The following OTOS variants were observed in gnomAD, a reference collection of about 807,000 sequenced individuals.
OTOS encodes otospiralin.
OTOS carries 14 observed loss-of-function variants against 12.5 expected under a neutral mutation model. The ratio of observed to expected loss-of-function variants is 1.12; its 90% confidence interval spans 0.74 to 1.76. OTOS has a LOEUF of 1.76. OTOS is among the 40% of genes most tolerant of loss of function. The probability of loss-of-function intolerance (pLI) is 0.00; values close to 1 mark genes in which losing one functional copy is unlikely to be tolerated. For missense variants in OTOS, 141 were observed against 112.8 expected (o/e 1.25, Z -1.13); for synonymous variants, 49 against 47.6 (o/e 1.03, Z -0.12).
In OTOS at chr2:240,140,252, C is replaced by T; in HGVS notation, c.58+17G>A. On this transcript the variant is annotated intron_variant, in intron 2 of 3. Coordinates refer to ENST00000319460, the MANE Select transcript of OTOS (RefSeq NM_148961.4). ...CGGGGGTCCTGGTGGCTGCCTCCCT[C>T]CAGAGCGGCCCCTCACCTGCAAGAG... is the stretch of plus-strand genomic sequence containing the variant. 1 of 1,587,190 alleles carries T rather than the reference C, an allele frequency of 6.3e-7. No individual in the cohort carries two copies. The highest frequency in any genetic ancestry group is 1.1e-5 in the South Asian group (1 of 87,776).
At position 240,139,080 on chromosome 2, in the gene OTOS, A is replaced by C; in HGVS notation, c.*90T>G. Reference sequence around the variant, plus strand: ...GCGTGAGACCAGGCCTGACTCCTGCAGGGGCCAGGTTTTTGCGGGGACTCC... The same window carrying C: ...GCGTGAGACCAGGCCTGACTCCTGCCGGGGCCAGGTTTTTGCGGGGACTCC... On this transcript the variant is annotated 3_prime_UTR_variant, in exon 4 of 4. Transcript: ENST00000319460. 1 of 1,401,132 alleles carries C rather than the reference A, an allele frequency of 7.1e-7. No homozygotes were observed. Among genetic ancestry groups the C allele is most frequent in the Non-Finnish European group, 9.8e-7 (1 of 1,024,944 alleles). The allele number at this position is 1,401,132 out of a possible 1,614,324, so 86.8% of individuals were successfully genotyped here. A position where few individuals can be genotyped will look rare whatever the true frequency, so the allele number is the denominator to read the frequency against.
chr2:240,139,388 TC>T, intron 3 of OTOS, 34 bp from the exon 4 acceptor site: 1 of 1,583,458 alleles, frequency 6.3e-7, no homozygotes, highest in Non-Finnish European at 8.6e-7. Flanking sequence ...TTGGGGGCTG[TC>T]CCCATGGTCC....
At chr2:240,140,466 T>TA (rs966525726) in intron 1 of OTOS, 22 bp from the exon 2 acceptor site, 694 of 764,442 alleles carry the variant, frequency 9.1e-4, no homozygotes, top group South Asian at 1.5e-3. Flanking sequence ...GGCATGGATT[T>TA]AAAAAAAAAA....
In OTOS at chr2:240,139,153, A is replaced by G; in HGVS notation, c.*17T>C. The stretch of plus-strand genomic sequence containing the variant: ...GTGCAGCCTGGCGGGGTGGGCGGGC[A>G]CCAGGCTGGACACCATTCAGTCCTC... On this transcript the variant is annotated 3_prime_UTR_variant, in exon 4 of 4. Transcript: ENST00000319460. 6.2e-7 allele frequency: 1 copy of G among 1,606,212 alleles called. No homozygotes were observed. The highest frequency in any genetic ancestry group is 8.5e-7 in the Non-Finnish European group (1 of 1,174,702).
intron 3 of OTOS, 142 bp downstream of exon 3, chr2:240,139,920 T>A: frequency 1.0e-6 from 1 of 958,512 alleles, no homozygotes; most frequent in Non-Finnish European, 1.6e-6. Context: ...AAGGGCCATG[T>A]TTTCCATGCT....
intron 3 of OTOS, among the ~76,000 whole-genome samples, chr2:240,139,673 C>T (rs1224650535): frequency 6.6e-6 from 1 of 152,156 alleles, no homozygotes; most frequent in South Asian, 2.1e-4. Context: ...CACTCCGCTA[C>T]CCCCCGTATA....
Position 240,139,064 on chromosome 2 carries a change from C to A in OTOS, c.*106G>T. On this transcript the variant is annotated 3_prime_UTR_variant, in exon 4 of 4. Transcript: ENST00000319460. ...GTCCGGAGTTTATTGAGCGTGAGAC[C>A]AGGCCTGACTCCTGCAGGGGCCAGG... The A allele has an allele frequency of 8.1e-7, 1 of 1,229,044 alleles. No individual in the cohort carries two copies. Among genetic ancestry groups the A allele is most frequent in the Admixed American group, 2.4e-5 (1 of 41,030 alleles). 76.1% of individuals were successfully genotyped at this position (1,229,044 alleles called of 1,614,324 possible).
At position 240,139,153 on chromosome 2, in the gene OTOS, AC is replaced by A; in HGVS notation, c.*16del. 6.2e-7 allele frequency: 1 copy of A among 1,606,212 alleles called. No homozygotes were observed. Among genetic ancestry groups the A allele is most frequent in the East Asian group, 2.2e-5 (1 of 44,676 alleles). ...GTGCAGCCTGGCGGGGTGGGCGGGC[AC>A]CAGGCTGGACACCATTCAGTCCTCC... On this transcript the variant is annotated 3_prime_UTR_variant, in exon 4 of 4. Coordinates refer to ENST00000319460, the MANE Select transcript of OTOS (RefSeq NM_148961.4).
intron 2 of OTOS, 40 bp from the exon 3 acceptor site, chr2:240,140,128 C>T (rs1252686136): frequency 2.5e-6 from 4 of 1,611,328 alleles, no homozygotes; most frequent in Non-Finnish European, 3.4e-6. Context: ...GGAGGACCAC[C>T]CAGGTGCCGG....
In OTOS at chr2:240,139,269, C is replaced by G; in HGVS notation, c.171G>C (p.Leu57=). The G allele has an allele frequency of 1.2e-6, 2 of 1,614,154 alleles. No individual in the cohort carries two copies. The highest frequency in any genetic ancestry group is 1.7e-6 in the Non-Finnish European group (2 of 1,180,012). Residue 57 remains leucine (L), a synonymous_variant, in exon 4 of 4, where the codon CTG becomes CTC. Transcript: ENST00000319460. ...FWNYVQHFQA[L]GAYPQIEDMA... ...TGTCCTCGATCTGGGGGTAGGCCCC[C>G]AGGGCCTGGAAGTGCTGCACATAGT...
rs2279691 is a variant in OTOS at position 240,139,054 on chromosome 2, A to C, written c.*116T>G. Reference sequence around the variant, plus strand: ...TGCATCTTCAGTCCGGAGTTTATTGAGCGTGAGACCAGGCCTGACTCCTGC... The same window carrying C: ...TGCATCTTCAGTCCGGAGTTTATTGCGCGTGAGACCAGGCCTGACTCCTGC... On this transcript the variant is annotated 3_prime_UTR_variant, in exon 4 of 4. Coordinates refer to ENST00000319460, the MANE Select transcript of OTOS (RefSeq NM_148961.4). 0.015 allele frequency: 16,095 copies of C among 1,091,606 alleles called. 272 individuals are homozygous for C. The highest frequency in any genetic ancestry group is 0.072 in the East Asian group (2,812 of 38,908). The allele number at this position is 1,091,606 out of a possible 1,614,324, so 67.6% of individuals were successfully genotyped here. A position where few individuals can be genotyped will look rare whatever the true frequency, so the allele number is the denominator to read the frequency against.
rs1457253839 is a variant in OTOS, at chr2:240,139,288, A to C, written c.152T>G (p.Val51Gly). The stretch of plus-strand genomic sequence containing the variant: ...GGCCCCCAGGGCCTGGAAGTGCTGC[A>C]CATAGTTCCAGAAGTCAGAGGTGGA... Reference protein sequence around the residue: ...PFSTSDFWNYVQHFQALGAYP... With the variant: ...PFSTSDFWNYGQHFQALGAYP... Residue 51 changes from valine to glycine, a missense_variant, in exon 4 of 4, where the codon GTG becomes GGG. Val to Gly is a moderately radical substitution (Grantham distance 109, BLOSUM62 -3). Transcript: ENST00000319460. 1 of 1,614,182 alleles carries C rather than the reference A, an allele frequency of 6.2e-7. No individual in the cohort carries two copies. The highest frequency in any genetic ancestry group is 1.1e-5 in the South Asian group (1 of 91,088).
intron 3 of OTOS, 121 bp downstream of exon 3, chr2:240,139,941 C>T (rs1299175359): frequency 1.7e-6 from 2 of 1,190,018 alleles, no homozygotes; most frequent in Non-Finnish European, 2.4e-6. Flanking sequence ...TGGGCCTGAG[C>T]TGAGCCAGGG....
intron 3 of OTOS, 143 bp from the exon 4 acceptor site, chr2:240,139,497 A>AT: frequency 1.3e-6 from 1 of 771,650 alleles, no homozygotes; most frequent in Non-Finnish European, 2.0e-6. Flanking sequence ...GCCTGAGCCC[A>AT]TCCCCTCTCA....
Sources: allele counts gnomAD v4.1 joint callset (sites outside exome capture counted in the v4.1 genomes callset), GRCh38; gene constraint gnomAD v4.1.1; transcripts MANE v1.5; gene names NCBI Gene and HGNC (gene_info 2026-07-23, HGNC 2026-07-21).